The following XPC variants were observed in gnomAD, a reference collection of about 807,000 sequenced individuals.
XPC encodes DNA repair protein complementing XP-C cells.
Under a neutral mutation model 95.8 loss-of-function variants are expected in XPC, and 76 were observed. That is an observed-to-expected ratio of 0.79 (90% confidence interval 0.66 to 0.96). The LOEUF (loss-of-function observed/expected upper bound fraction) is 0.96, where lower values mean the gene tolerates loss of function less well. XPC is among the 40% of genes least tolerant of loss of function. The pLI is 0.00. For missense variants in XPC, 1,146 were observed against 1,179.8 expected (o/e 0.97, Z 0.42); for synonymous variants, 442 against 442.1 (o/e 1.00, Z 0.00).
At chr3:14,176,825 G>A (rs1312349011) in intron 1 of XPC, among the ~76,000 whole-genome samples, 1 of 152,236 alleles carries the variant, frequency 6.6e-6, no homozygotes, top group African/African-American at 2.4e-5. Flanking sequence ...TACTAGCCGG[G>A]CGCAGTGGCT....
rs1005807900 is a variant in XPC, at chr3:14,164,599, A to C, written c.900+214T>G. The C allele has an allele frequency of 1.0e-4, 51 of 499,496 alleles. No individual in the cohort carries two copies. The South Asian group carries it at 1.4e-3, about 14-fold the overall frequency. The allele number at this position is 499,496 out of a possible 1,614,324, so 30.9% of individuals were successfully genotyped here. A position where few individuals can be genotyped will look rare whatever the true frequency, so the allele number is the denominator to read the frequency against. ...AGGAAAGCATACAGGCCCTCCACTC[A>C]GACTCTGATCCCAATCTCGATTCTC... On this transcript the variant is annotated intron_variant, in intron 7 of 15. Coordinates refer to ENST00000285021, the MANE Select transcript of XPC (RefSeq NM_004628.5).
intron 6 of XPC, 151 bp downstream of exon 6, chr3:14,165,277 C>T (rs1013393115): frequency 1.0e-5 from 11 of 1,088,234 alleles, no homozygotes; most frequent in African/African-American, 1.6e-5. Context: ...CAAGATCATA[C>T]CTGGCATTTC....
chr3:14,163,579 T>C (rs1696249783), intron 7 of XPC, among the ~76,000 whole-genome samples: 1 of 152,108 alleles, frequency 6.6e-6, no homozygotes, highest in East Asian at 1.9e-4. Flanking sequence ...AGATTGGTGG[T>C]TGCCACGAGC....
intron 1 of XPC, among the ~76,000 whole-genome samples, chr3:14,177,032 G>A (rs752070993): frequency 3.9e-5 from 6 of 152,270 alleles, no homozygotes; most frequent in East Asian, 1.9e-4. Context: ...CCTAGGAGGC[G>A]GAGGTCACGC....
At chr3:14,154,546 T>C (rs1574956940) in intron 10 of XPC, among the ~76,000 whole-genome samples, 1 of 152,294 alleles carries the variant, frequency 6.6e-6, no homozygotes, top group African/African-American at 2.4e-5. Flanking sequence ...CCAGTCACGA[T>C]GTGACTATAA....
At chr3:14,161,254 A>C (rs923416859) in intron 7 of XPC, among the ~76,000 whole-genome samples, 2 of 152,196 alleles carry the variant, frequency 1.3e-5, no homozygotes, top group African/African-American at 4.8e-5. Flanking sequence ...ATTCTAGCAA[A>C]TATTTAAAGT....
intron 5 of XPC, 114 bp downstream of exon 5, chr3:14,167,055 G>A (rs963357391): frequency 2.6e-5 from 23 of 874,074 alleles, no homozygotes; most frequent in Admixed American, 1.0e-4. Flanking sequence ...GGCTCAGAGA[G>A]AGTAAGAAAC....
chr3:14,176,034 T>A (rs1293174508), intron 1 of XPC, among the ~76,000 whole-genome samples: 6 of 152,226 alleles, frequency 3.9e-5, no homozygotes, highest in Non-Finnish European at 8.8e-5. Context: ...GCTAAAGCTC[T>A]TGGCTTTATA....
rs576141705 is a variant in XPC at position 14,160,296 on chromosome 3, C to T, written c.901-466G>A. ...AAGAAGAAGTAGAAAGTATCATTATCGTCAGATCACCAGGTCTGTTCCCTG... is the reference window on the plus strand; with the variant it reads ...AAGAAGAAGTAGAAAGTATCATTATTGTCAGATCACCAGGTCTGTTCCCTG... On this transcript the variant is annotated intron_variant, in intron 7 of 15. Coordinates refer to ENST00000285021, the MANE Select transcript of XPC (RefSeq NM_004628.5). Among the ~76,000 whole-genome samples, 13 of 152,290 alleles carry T rather than the reference C, an allele frequency of 8.5e-5. No individual in the cohort carries two copies. In the South Asian group the frequency reaches 2.5e-3, roughly 29 times the overall value.
In XPC at chr3:14,165,416, G is replaced by C. The variant is rs754591857; in HGVS notation, c.779+12C>G. On this transcript the variant is annotated intron_variant, in intron 6 of 15. Transcript: ENST00000285021. ...CACTCCCCAGCTCTGCAGGACAAGC[G>C]GAGGGCCTTACCACTTCACCAGGTT... 51 of 1,578,988 alleles carry C rather than the reference G, an allele frequency of 3.2e-5. No homozygotes were observed. The highest frequency in any genetic ancestry group is 1.8e-5 in the Admixed American group (1 of 55,762).
chr3:14,152,552 G>A, intron 10 of XPC, 136 bp from the exon 11 acceptor site: 1 of 730,450 alleles, frequency 1.4e-6, no homozygotes. Flanking sequence ...CTCCTAGGGG[G>A]CCCAGAGAAG....
At chr3:14,153,706 T>C (rs1300149897) in intron 10 of XPC, among the ~76,000 whole-genome samples, 1 of 152,198 alleles carries the variant, frequency 6.6e-6, no homozygotes, top group Non-Finnish European at 1.5e-5. Context: ...GGATATCCTA[T>C]TTTCAGCTTC....
intron 3 of XPC, among the ~76,000 whole-genome samples, chr3:14,169,957 T>C (rs746755687): frequency 6.6e-6 from 1 of 152,230 alleles, no homozygotes; most frequent in Non-Finnish European, 1.5e-5. Flanking sequence ...ATTAGGCCCA[T>C]TACATTTGCA....
At chr3:14,169,550 G>C (rs1219168705) in intron 3 of XPC, among the ~76,000 whole-genome samples, 1 of 152,192 alleles carries the variant, frequency 6.6e-6, no homozygotes, top group Non-Finnish European at 1.5e-5. Flanking sequence ...CAAATACAAG[G>C]CTTGGTTGGA....
In XPC at chr3:14,145,321, G is replaced by A; in HGVS notation, c.*620C>T. 1 of 697,088 alleles carries A rather than the reference G, an allele frequency of 1.4e-6. No homozygotes were observed. 43.2% of individuals were successfully genotyped at this position (697,088 alleles called of 1,614,324 possible). The stretch of plus-strand genomic sequence containing the variant: ...TTTTTCCTTTTCTTTCCTGATTTTA[G>A]CTTTTTTTAGGCTTCTGTCACCACA... On this transcript the variant is annotated 3_prime_UTR_variant, in exon 16 of 16. Transcript: ENST00000285021.
chr3:14,175,458 T>G (rs952180745), intron 1 of XPC, among the ~76,000 whole-genome samples: 12 of 151,898 alleles, frequency 7.9e-5, no homozygotes, highest in African/African-American at 2.9e-4. Context: ...TTTTTTTAAC[T>G]TGTTATCTGC....
chr3:14,164,583 T>A, intron 7 of XPC: 1 of 461,176 alleles, frequency 2.2e-6, no homozygotes, highest in East Asian at 4.2e-5. Flanking sequence ...GAGGAAAGCA[T>A]ACAGGCCCTC....
chr3:14,177,525 T>C (rs1296417384), intron 1 of XPC, among the ~76,000 whole-genome samples: 3 of 151,750 alleles, frequency 2.0e-5, no homozygotes, highest in African/African-American at 4.8e-5. Flanking sequence ...CTTGGCATAT[T>C]TGAGGAAGAG....
At position 14,167,380 on chromosome 3, in the gene XPC, C is replaced by A. The variant is rs1696427357; in HGVS notation, c.537-127G>T. 8 of 800,438 alleles carry A rather than the reference C, an allele frequency of 1.0e-5. No homozygotes were observed. The South Asian group carries it at 1.7e-4, about 17-fold the overall frequency. The allele number at this position is 800,438 out of a possible 1,614,324, so 49.6% of individuals were successfully genotyped here. On this transcript the variant is annotated intron_variant, in intron 4 of 15. Transcript: ENST00000285021. ...CCCTGTTTCCCTACACAAGGCTGTGCTACTCAAGTCCGTCTGCAAGCCAGC... is the reference window on the plus strand; with the variant it reads ...CCCTGTTTCCCTACACAAGGCTGTGATACTCAAGTCCGTCTGCAAGCCAGC...
Sources: gnomAD v4.1 joint callset for allele counts (sites outside exome capture counted in the v4.1 genomes callset) on GRCh38, gnomAD v4.1.1 for gene constraint, MANE v1.5 for transcripts, NCBI Gene and HGNC (gene_info 2026-07-23, HGNC 2026-07-21) for gene names.